FAF1: variants seen among roughly 807,000 people sequenced by gnomAD.
FAF1 encodes the protein Fas associated factor 1.
A neutral mutation model predicts 92.5 loss-of-function variants in FAF1; 25 were observed. That is an observed-to-expected ratio of 0.27 (90% CI 0.20 to 0.38). The LOEUF is 0.38. Ranked by LOEUF, FAF1 falls within the 10% of genes least tolerant of loss-of-function variation. FAF1 has a pLI of 1.00. For synonymous variants in FAF1, 234 were observed against 273.2 expected, an observed-to-expected ratio of 0.86 and a Z score of 1.42; for missense variants, 636 against 793.3, an observed-to-expected ratio of 0.80 and a Z score of 2.38.
intron 1 of FAF1, among the ~76,000 whole-genome samples, chr1:50,891,375 C>T (rs533862954): frequency 6.6e-6 from 1 of 152,328 alleles, no homozygotes; most frequent in Admixed American, 6.5e-5. Flanking sequence ...AGTCATTCTC[C>T]ATCCAGCTTT....
chr1:50,600,083 T>A (rs1208467348), intron 8 of FAF1, among the ~76,000 whole-genome samples: 1 of 152,196 alleles, frequency 6.6e-6, no homozygotes, highest in African/African-American at 2.4e-5. Context: ...CCAAAATGAA[T>A]GAAGTGAGAC....
intron 12 of FAF1, among the ~76,000 whole-genome samples, chr1:50,580,224 A>C (rs893383024): frequency 1.3e-5 from 2 of 151,838 alleles, no homozygotes; most frequent in Admixed American, 6.6e-5. Context: ...ATTTTGAATA[A>C]ATTTTTAATT....
chr1:50,731,256 T>G (rs970119213), intron 6 of FAF1, among the ~76,000 whole-genome samples: 12 of 152,152 alleles, frequency 7.9e-5, no homozygotes, highest in Non-Finnish European at 1.3e-4. Flanking sequence ...CTATAAACAC[T>G]CCTGTCCAGT....
chr1:50,574,302 A>G (rs1424621924), intron 12 of FAF1, among the ~76,000 whole-genome samples: 1 of 152,248 alleles, frequency 6.6e-6, no homozygotes, highest in African/African-American at 2.4e-5. Context: ...AGAAGCTGAA[A>G]CGATTGGCTC....
rs144253020 is a variant in FAF1 at position 50,752,816 on chromosome 1, G to T, written c.368-8041C>A. Among the ~76,000 whole-genome samples, 100 of 152,154 alleles carry T rather than the reference G, an allele frequency of 6.6e-4. No individual in the cohort carries two copies. The East Asian group carries it at 9.5e-3, about 14-fold the overall frequency. On this transcript the variant is annotated intron_variant, in intron 4 of 18. Coordinates refer to ENST00000396153, the MANE Select transcript of FAF1 (RefSeq NM_007051.3). Reference sequence around the variant, plus strand: ...TCCCGCCTCAGCCTCCAGTGTAGCTGGGACTACAGGTACACACCGCCACAC... The same window carrying T: ...TCCCGCCTCAGCCTCCAGTGTAGCTTGGACTACAGGTACACACCGCCACAC...
chr1:50,929,510 C>A (rs1237796517), intron 1 of FAF1, among the ~76,000 whole-genome samples: 1 of 152,148 alleles, frequency 6.6e-6, no homozygotes. Flanking sequence ...TATATTATAT[C>A]TTTTGGTAAC....
intron 1 of FAF1, among the ~76,000 whole-genome samples, chr1:50,936,555 T>C (rs750725844): frequency 6.6e-6 from 1 of 152,216 alleles, no homozygotes; most frequent in Non-Finnish European, 1.5e-5. Flanking sequence ...GCATAGGGCA[T>C]ATAAGGCCAA....
At chr1:50,611,260 G>C (rs1323854626) in intron 8 of FAF1, among the ~76,000 whole-genome samples, 2 of 152,126 alleles carry the variant, frequency 1.3e-5, no homozygotes, top group African/African-American at 4.8e-5. Flanking sequence ...TTGTATTAGG[G>C]AGAAAGAATT....
At chr1:50,523,740 G>T (rs1647632471) in intron 15 of FAF1, among the ~76,000 whole-genome samples, 1 of 152,088 alleles carries the variant, frequency 6.6e-6, no homozygotes, top group Non-Finnish European at 1.5e-5. Context: ...TTTTATGGAT[G>T]TATAGTACTC....
intron 3 of FAF1, among the ~76,000 whole-genome samples, chr1:50,790,524 C>T (rs939540113): frequency 1.6e-4 from 24 of 151,792 alleles, no homozygotes; most frequent in African/African-American, 4.6e-4. Flanking sequence ...GCCAAACTAA[C>T]GAGTAGAGGA....
At chr1:50,739,797 G>C (rs1222848339) in intron 5 of FAF1, among the ~76,000 whole-genome samples, 1 of 152,020 alleles carries the variant, frequency 6.6e-6, no homozygotes, top group Non-Finnish European at 1.5e-5. Flanking sequence ...TTTTGTTAAA[G>C]CTCTCACTCT....
intron 12 of FAF1, chr1:50,582,309 T>C (rs1388985840): frequency 2.5e-5 from 7 of 283,462 alleles, no homozygotes; most frequent in Non-Finnish European, 4.0e-5. Flanking sequence ...ATCACATTAA[T>C]GTCCCTTGTG....
chr1:50,928,624 A>C (rs537969416), intron 1 of FAF1, among the ~76,000 whole-genome samples: 5 of 151,690 alleles, frequency 3.3e-5, no homozygotes, highest in Non-Finnish European at 5.9e-5. Flanking sequence ...TCTACTAAAA[A>C]TACAAAGTAT....
intron 2 of FAF1, among the ~76,000 whole-genome samples, chr1:50,818,567 G>A (rs1643999999): frequency 6.6e-6 from 1 of 152,150 alleles, no homozygotes; most frequent in South Asian, 2.1e-4. Context: ...CAACAATATG[G>A]ATAAATCTCT....
chr1:50,609,593 A>G (rs1201342282), intron 8 of FAF1, among the ~76,000 whole-genome samples: 1 of 151,974 alleles, frequency 6.6e-6, no homozygotes, highest in African/African-American at 2.4e-5. Context: ...TGTTGCCCAC[A>G]CTGGTCTCGA....
At chr1:50,490,987 G>C (rs1325027478) in intron 16 of FAF1, among the ~76,000 whole-genome samples, 2 of 151,694 alleles carry the variant, frequency 1.3e-5, no homozygotes, top group African/African-American at 4.8e-5. Context: ...TATCTACCCT[G>C]TACCCAAATC....
rs72228005 is a variant in FAF1 at position 50,442,356 on chromosome 1, CTACTT to C, written c.1870-838_1870-834del. 9.8e-3 allele frequency among the ~76,000 whole-genome samples: 1,486 copies of C among 152,332 alleles called. 23 individuals are homozygous for C. The highest frequency in any genetic ancestry group is 0.034 in the African/African-American group (1,419 of 41,564). On this transcript the variant is annotated intron_variant, in intron 18 of 18. Coordinates refer to ENST00000396153, the MANE Select transcript of FAF1 (RefSeq NM_007051.3). ...CACAGGCTTTGGAATTAGAAAGACTCTACTTTAAATTACAGCTGTGTTGGCTATCA... is the reference window on the plus strand; with the variant it reads ...CACAGGCTTTGGAATTAGAAAGACTCTAAATTACAGCTGTGTTGGCTATCA...
At chr1:50,554,216 A>G (rs1649444374) in intron 13 of FAF1, among the ~76,000 whole-genome samples, 1 of 151,394 alleles carries the variant, frequency 6.6e-6, no homozygotes, top group Non-Finnish European at 1.5e-5. Flanking sequence ...TATGTGGTAG[A>G]AAAGCACAGG....
At chr1:50,537,803 T>C in intron 14 of FAF1, among the ~76,000 whole-genome samples, 1 of 152,038 alleles carries the variant, frequency 6.6e-6, no homozygotes, top group East Asian at 1.9e-4. Flanking sequence ...TGGTTGAAAT[T>C]TACGAAGAAA....
Sources: gnomAD v4.1 joint callset for allele counts (sites outside exome capture counted in the v4.1 genomes callset) on GRCh38, gnomAD v4.1.1 for gene constraint, MANE v1.5 for transcripts, NCBI Gene and HGNC (gene_info 2026-07-23, HGNC 2026-07-21) for gene names.